Variants in SLCO1B3 observed in about 807,000 individuals in gnomAD.
The protein encoded by SLCO1B3 is liver-specific organic anion transporter 2.
A neutral mutation model predicts 71.8 loss-of-function variants in SLCO1B3; 72 were observed. The ratio of observed to expected loss-of-function variants is 1.00; its 90% confidence interval spans 0.83 to 1.22. The LOEUF is 1.22. Ranked by LOEUF, SLCO1B3 falls within the 50% of genes most tolerant of loss-of-function variation. The pLI, the probability that SLCO1B3 is intolerant of heterozygous loss-of-function variation, is 0.00. For missense variants in SLCO1B3, 911 were observed against 819.7 expected, an observed-to-expected ratio of 1.11 and a Z score of -1.36; for synonymous variants, 298 against 278.4, an observed-to-expected ratio of 1.07 and a Z score of -0.70.
chr12:20,864,151 T>C (rs1317523993), intron 8 of SLCO1B3, among the ~76,000 whole-genome samples: 1 of 152,214 alleles, frequency 6.6e-6, no homozygotes, highest in Non-Finnish European at 1.5e-5. Context: ...TTTATTTTTA[T>C]GGTTCTCAAA....
chr12:20,819,986 T>G (rs914637862), intron 3 of SLCO1B3, among the ~76,000 whole-genome samples: 1 of 152,002 alleles, frequency 6.6e-6, no homozygotes, highest in African/African-American at 2.4e-5. Flanking sequence ...CTCGGCCTAA[T>G]AAGGGAACTG....
chr12:20,834,942 G>A (rs900446591), intron 3 of SLCO1B3, among the ~76,000 whole-genome samples: 9 of 152,192 alleles, frequency 5.9e-5, no homozygotes, highest in South Asian at 4.2e-4. Context: ...TCTCCATGAG[G>A]GCTTCACCCT....
At chr12:20,849,131 A>G (rs1348521588) in intron 3 of SLCO1B3, among the ~76,000 whole-genome samples, 1 of 151,992 alleles carries the variant, frequency 6.6e-6, no homozygotes, top group Non-Finnish European at 1.5e-5. Flanking sequence ...AAATTGCTCT[A>G]AAAAATAAAG....
intron 3 of SLCO1B3, among the ~76,000 whole-genome samples, chr12:20,838,121 C>CT (rs1157944152): frequency 4.0e-5 from 6 of 149,242 alleles, no homozygotes; most frequent in East Asian, 2.0e-4. Context: ...TTTTGCTTTT[C>CT]TTTTTTTTTA....
At chr12:20,857,513 T>G (rs969530572) in intron 4 of SLCO1B3, among the ~76,000 whole-genome samples, 3 of 152,006 alleles carry the variant, frequency 2.0e-5, no homozygotes, top group Non-Finnish European at 4.4e-5. Context: ...AAGTTCTAAT[T>G]TGTAAATTTT....
intron 8 of SLCO1B3, among the ~76,000 whole-genome samples, chr12:20,866,881 C>T (rs1865382720): frequency 6.6e-6 from 1 of 152,078 alleles, no homozygotes. Flanking sequence ...ACTGCTAATC[C>T]CTAAGCCTTG....
chr12:20,911,161 A>G (rs1203371635), intron 15 of SLCO1B3, among the ~76,000 whole-genome samples: 1 of 152,066 alleles, frequency 6.6e-6, no homozygotes, highest in Non-Finnish European at 1.5e-5. Context: ...TCACAAATGG[A>G]TGTTTGATTT....
intron 3 of SLCO1B3, among the ~76,000 whole-genome samples, chr12:20,839,679 TC>T (rs761138286): frequency 6.6e-6 from 1 of 152,126 alleles, no homozygotes; most frequent in Non-Finnish European, 1.5e-5. Flanking sequence ...TCTATGAACT[TC>T]CAAGATCTGT....
chr12:20,914,474 T>G (rs1866451986), intron 15 of SLCO1B3, among the ~76,000 whole-genome samples: 1 of 152,098 alleles, frequency 6.6e-6, no homozygotes, highest in African/African-American at 2.4e-5. Context: ...TAAGCATACA[T>G]ACACATATGA....
chr12:20,904,912 C>T (rs1866209942), intron 15 of SLCO1B3, among the ~76,000 whole-genome samples: 1 of 151,700 alleles, frequency 6.6e-6, no homozygotes, highest in Non-Finnish European at 1.5e-5. Flanking sequence ...TAGGTGGGAC[C>T]ACAGGCATGC....
At chr12:20,822,918 TC>T (rs1208582060) in intron 3 of SLCO1B3, among the ~76,000 whole-genome samples, 19 of 152,218 alleles carry the variant, frequency 1.2e-4, no homozygotes, top group Non-Finnish European at 2.8e-4. Flanking sequence ...CCTTTTAAAA[TC>T]TTTTGAAGAA....
chr12:20,867,523 A>G (rs1204585547), intron 8 of SLCO1B3, among the ~76,000 whole-genome samples: 1 of 152,176 alleles, frequency 6.6e-6, no homozygotes, highest in Admixed American at 6.5e-5. Context: ...AATTAACAGA[A>G]GACAACTTGA....
At chr12:20,864,196 C>G (rs1245678543) in intron 8 of SLCO1B3, among the ~76,000 whole-genome samples, 1 of 152,082 alleles carries the variant, frequency 6.6e-6, no homozygotes, top group African/African-American at 2.4e-5. Flanking sequence ...TCATGTAACC[C>G]TTACTTCATC....
chr12:20,903,691 T>C (rs1866174184), intron 15 of SLCO1B3, among the ~76,000 whole-genome samples: 1 of 152,092 alleles, frequency 6.6e-6, no homozygotes, highest in African/African-American at 2.4e-5. Flanking sequence ...ACCCCCAAGA[T>C]CCAGTCACCT....
At chr12:20,816,262 C>A (rs551617211) in intron 3 of SLCO1B3, among the ~76,000 whole-genome samples, 5 of 152,134 alleles carry the variant, frequency 3.3e-5, no homozygotes, top group African/African-American at 1.2e-4. Context: ...ACTATAGTCA[C>A]CCTGTGGGCT....
intron 3 of SLCO1B3, among the ~76,000 whole-genome samples, chr12:20,848,302 AGAGT>A (rs1864955891): frequency 6.6e-6 from 1 of 152,214 alleles, no homozygotes; most frequent in East Asian, 1.9e-4. Flanking sequence ...CATACTTATT[AGAGT>A]GAGTAACATT....
At chr12:20,829,785 A>G (rs1052900921) in intron 3 of SLCO1B3, among the ~76,000 whole-genome samples, 7 of 152,190 alleles carry the variant, frequency 4.6e-5, no homozygotes, top group African/African-American at 1.7e-4. Flanking sequence ...TCTTGATGAT[A>G]TGCTAAACAA....
chr12:20,882,261 T>G (rs945698684), intron 12 of SLCO1B3, among the ~76,000 whole-genome samples: 1 of 152,182 alleles, frequency 6.6e-6, no homozygotes, highest in African/African-American at 2.4e-5. Flanking sequence ...TCAGTAAAAT[T>G]GTTAAAATAA....
chr12:20,832,151 G>T (rs556057228), intron 3 of SLCO1B3, among the ~76,000 whole-genome samples: 4 of 152,094 alleles, frequency 2.6e-5, no homozygotes, highest in Non-Finnish European at 5.9e-5. Flanking sequence ...CCTATTTAAT[G>T]ATATACCTTA....
Sources: allele counts gnomAD v4.1 joint callset (sites outside exome capture counted in the v4.1 genomes callset), GRCh38; gene constraint gnomAD v4.1.1; transcripts MANE v1.5; gene names NCBI Gene and HGNC (gene_info 2026-07-23, HGNC 2026-07-21).